Variants in DCX observed in about 807,000 individuals in gnomAD.
DCX encodes the protein neuronal migration protein doublecortin.
DCX carries 4 observed loss-of-function variants against 20.9 expected under a neutral mutation model. The observed-to-expected ratio is 0.19, with a 90% confidence interval of 0.09 to 0.44. The LOEUF is 0.44. Among genes scored for constraint, DCX ranks in the 20% least tolerant of loss-of-function variants. The pLI is 0.99. For synonymous variants in DCX, 103 were observed against 111.4 expected (o/e 0.92, Z 0.47); for missense variants, 133 against 296.9 (o/e 0.45, Z 4.06).
intron 2 of DCX, among the ~76,000 whole-genome samples, chrX:111,403,807 A>G (rs1927994948): frequency 9.0e-6 from 1 of 111,714 alleles, no homozygotes; most frequent in African/African-American, 3.3e-5. Context: ...ACACTTTGGG[A>G]GGCTGAGGCA....
chrX:111,313,929 G>A (rs1366506938), intron 5 of DCX, among the ~76,000 whole-genome samples: 3 of 109,164 alleles, frequency 2.7e-5, no homozygotes, highest in African/African-American at 1.0e-4. Flanking sequence ...GAGGGAGACA[G>A]AGAGAATAAA....
At chrX:111,392,448 G>A (rs192893226) in intron 3 of DCX, among the ~76,000 whole-genome samples, 206 of 111,643 alleles carry the variant, frequency 1.8e-3, no homozygotes, top group Middle Eastern at 4.6e-3. Flanking sequence ...ATACAATGGA[G>A]TACTATTCAG....
intron 6 of DCX, among the ~76,000 whole-genome samples, chrX:111,309,250 C>T (rs1368504606): frequency 9.8e-5 from 11 of 112,343 alleles, no homozygotes; most frequent in Non-Finnish European, 1.3e-4. Context: ...CCACCACAGC[C>T]ATCAAAAATT....
rs181328841 is a variant in DCX, at chrX:111,328,430, G to T, written c.946+2474C>A. ...TTCTGGAGATCAATGATTTGACATAGATTTAAACTGTGTAGTTATAGGTAG... is the reference window on the plus strand; with the variant it reads ...TTCTGGAGATCAATGATTTGACATATATTTAAACTGTGTAGTTATAGGTAG... On this transcript the variant is annotated intron_variant, in intron 5 of 6. Transcript: ENST00000636035. Among the ~76,000 whole-genome samples, 404 of 111,747 alleles carry T rather than the reference G, an allele frequency of 3.6e-3. 3 individuals carry two copies. The highest frequency in any genetic ancestry group is 0.012 in the African/African-American group (383 of 30,773).
intron 5 of DCX, among the ~76,000 whole-genome samples, chrX:111,326,910 C>T (rs916282140): frequency 6.3e-5 from 7 of 111,876 alleles, no homozygotes; most frequent in Admixed American, 9.5e-5. Flanking sequence ...ATTTACTAAA[C>T]CTCAAGTCAG....
intron 3 of DCX, among the ~76,000 whole-genome samples, chrX:111,378,883 C>G (rs774325292): frequency 8.9e-6 from 1 of 111,886 alleles, no homozygotes; most frequent in Admixed American, 9.5e-5. Flanking sequence ...CCTTTGTTAA[C>G]GTGACTAAGG....
intron 2 of DCX, among the ~76,000 whole-genome samples, chrX:111,403,786 C>A (rs781080867): frequency 5.3e-5 from 6 of 112,206 alleles, no homozygotes; most frequent in Non-Finnish European, 1.1e-4. Context: ...CGGCTCATGC[C>A]TGTCATCCTG....
rs1205712198 is a variant in DCX, at chrX:111,294,292, T to C, written c.*7395A>G. On this transcript the variant is annotated 3_prime_UTR_variant, in exon 7 of 7. Transcript: ENST00000636035. ...TAAATAGGTGGCTAAAGTTCTTAAA[T>C]ATCTGTTTTATTTCTCTCATTTTTT... is the stretch of plus-strand genomic sequence containing the variant. 2 of 111,432 alleles carry C rather than the reference T, an allele frequency of 1.8e-5. No homozygotes were observed. The highest frequency in any genetic ancestry group is 3.8e-5 in the Non-Finnish European group (2 of 53,145). The allele number at this position is 111,432 out of a possible 1,213,427, so 9.2% of individuals were successfully genotyped here.
At position 111,298,595 on chromosome X, in the gene DCX, G is replaced by A. The variant is rs948758055; in HGVS notation, c.*3092C>T. ...CCAATCCTGCCCCAGCCAGCTGTGT[G>A]ACCTTGGGGAAATTACTTTACCTCT... On this transcript the variant is annotated 3_prime_UTR_variant, in exon 7 of 7. Coordinates refer to ENST00000636035, the MANE Select transcript of DCX (RefSeq NM_001195553.2). The A allele has an allele frequency of 4.5e-5, 5 of 112,004 alleles. No homozygotes were observed. Among genetic ancestry groups the A allele is most frequent in the African/African-American group, 1.6e-4 (5 of 30,696 alleles). The allele number at this position is 112,004 out of a possible 1,213,427, so 9.2% of individuals were successfully genotyped here.
At chrX:111,370,799 T>A (rs192939467) in intron 3 of DCX, among the ~76,000 whole-genome samples, 20 of 110,743 alleles carry the variant, frequency 1.8e-4, no homozygotes, top group Admixed American at 1.6e-3. Flanking sequence ...AAAAAATACA[T>A]GTTCCCTACT....
At chrX:111,368,493 G>C (rs143963826) in intron 3 of DCX, among the ~76,000 whole-genome samples, 1,775 of 111,249 alleles carry the variant, frequency 0.016, 38 homozygotes, top group African/African-American at 0.055. Flanking sequence ...TTTATCTTAG[G>C]GGAACTGGCT....
chrX:111,361,534 C>T (rs774213555), intron 3 of DCX, among the ~76,000 whole-genome samples: 3 of 112,097 alleles, frequency 2.7e-5, no homozygotes, highest in Non-Finnish European at 3.8e-5. Flanking sequence ...TTATTAATTT[C>T]ACCTAAACTC....
chrX:111,312,864 G>A (rs1237636095), intron 5 of DCX, 128 bp from the exon 6 acceptor site: 20 of 621,858 alleles, frequency 3.2e-5, no homozygotes, highest in Non-Finnish European at 4.9e-5. Flanking sequence ...GATTTGGTGA[G>A]TAGAACAAAG....
At chrX:111,308,556 T>A (rs1435894890) in intron 6 of DCX, among the ~76,000 whole-genome samples, 1 of 111,221 alleles carries the variant, frequency 9.0e-6, no homozygotes, top group Non-Finnish European at 1.9e-5. Context: ...CGTTAGCTCT[T>A]GATCACACTA....
At chrX:111,331,803 G>A (rs1282888313) in intron 4 of DCX, among the ~76,000 whole-genome samples, 1 of 112,354 alleles carries the variant, frequency 8.9e-6, no homozygotes. Context: ...CACTAATAGT[G>A]CTAATTTATT....
intron 3 of DCX, among the ~76,000 whole-genome samples, chrX:111,371,606 G>T (rs1055455528): frequency 1.8e-5 from 2 of 111,536 alleles, no homozygotes; most frequent in African/African-American, 6.5e-5. Context: ...TAGTAATAAG[G>T]TTAATGTTTA....
intron 3 of DCX, among the ~76,000 whole-genome samples, chrX:111,337,393 A>G (rs1441350518): frequency 2.7e-5 from 3 of 111,761 alleles, no homozygotes; most frequent in Non-Finnish European, 5.6e-5. Context: ...TTTGAAAAAA[A>G]AAACCAGCAG....
chrX:111,395,320 G>A (rs1051400185), intron 3 of DCX, among the ~76,000 whole-genome samples: 2 of 112,078 alleles, frequency 1.8e-5, no homozygotes, highest in Non-Finnish European at 3.8e-5. Flanking sequence ...CTTGCTGAAT[G>A]CTAGACAGTG....
At chrX:111,398,068 G>A (rs1927476509) in intron 3 of DCX, among the ~76,000 whole-genome samples, 1 of 110,257 alleles carries the variant, frequency 9.1e-6, no homozygotes. Context: ...GGGACATGGA[G>A]ACATTTCTCC....
Sources: gnomAD v4.1 joint callset for allele counts (sites outside exome capture counted in the v4.1 genomes callset) on GRCh38, gnomAD v4.1.1 for gene constraint, MANE v1.5 for transcripts, NCBI Gene and HGNC (gene_info 2026-07-23, HGNC 2026-07-21) for gene names.